Variants in SHCBP1L observed in about 807,000 individuals in gnomAD.
SHCBP1L encodes testicular spindle-associated protein SHCBP1L.
In SHCBP1L, 67 loss-of-function variants were observed where a neutral mutation model predicts 62.5. The ratio of observed to expected loss-of-function variants is 1.07; its 90% CI spans 0.88 to 1.31. SHCBP1L has a LOEUF of 1.31. SHCBP1L is among the 40% of genes most tolerant of loss of function. The pLI, the probability that SHCBP1L is intolerant of heterozygous loss-of-function variation, is 0.00. For synonymous variants in SHCBP1L, 284 were observed against 289.4 expected, an observed-to-expected ratio of 0.98 and a Z score of 0.19; for missense variants, 823 against 809.8, an observed-to-expected ratio of 1.02 and a Z score of -0.20.
intron 2 of SHCBP1L, among the ~76,000 whole-genome samples, chr1:182,948,104 C>A (rs967374719): frequency 1.3e-5 from 2 of 152,166 alleles, no homozygotes; most frequent in African/African-American, 2.4e-5. Flanking sequence ...GGCTTCCAGT[C>A]AACAGTAGGC....
chr1:182,943,500 G>C (rs1053403874), intron 2 of SHCBP1L, among the ~76,000 whole-genome samples: 2 of 150,552 alleles, frequency 1.3e-5, no homozygotes, highest in African/African-American at 4.9e-5. Flanking sequence ...CAGCTGGAGT[G>C]CAGCGGTGCA....
Position 182,951,398 on chromosome 1 carries a change from CA to C in SHCBP1L, c.474del (p.Gly159GlufsTer12). 1.2e-6 allele frequency: 2 copies of C among 1,609,524 alleles called. No individual in the cohort carries two copies. The highest frequency in any genetic ancestry group is 1.7e-6 in the Non-Finnish European group (2 of 1,177,328). On this transcript the variant is annotated frameshift_variant, in exon 2 of 10. Transcript: ENST00000367547. LOFTEE classifies it high-confidence loss of function. ...ACACTGGGATTAGTCTTCCAGACTC[CA>C]AGCCATTTGTCTTTCAACTTTAATT... is the stretch of plus-strand genomic sequence containing the variant. ...SEKLKLKDKW[L>X]GVWKTNPSVF... is the part of the protein sequence containing the mutation.
Position 182,929,692 on chromosome 1 carries a change from T to C in SHCBP1L, c.1137A>G (p.Gly379=). 1 of 1,595,502 alleles carries C rather than the reference T, an allele frequency of 6.3e-7. No individual in the cohort carries two copies. The change falls in exon 6 of 10, where the codon GGA becomes GGG. Residue 379 remains glycine, a synonymous_variant. Coordinates refer to ENST00000367547, the MANE Select transcript of SHCBP1L (RefSeq NM_030933.4). ...LRRRKGKREF[G]KTITHIVAKM... ...TTGCTACAATATGTGTTATAGTCTTTCCAAATTCTCTTTTTCCTTTCCTAC... is the reference window on the plus strand; with the variant it reads ...TTGCTACAATATGTGTTATAGTCTTCCCAAATTCTCTTTTTCCTTTCCTAC...
At chr1:182,916,083 G>C (rs1188538690) in intron 6 of SHCBP1L, among the ~76,000 whole-genome samples, 1 of 152,168 alleles carries the variant, frequency 6.6e-6, no homozygotes, top group African/African-American at 2.4e-5. Flanking sequence ...TGGGATTACA[G>C]GCGTGAGCCA....
At chr1:182,951,163 T>C (rs560421663) in intron 2 of SHCBP1L, among the ~76,000 whole-genome samples, 155 bp downstream of exon 2, 10 of 152,178 alleles carry the variant, frequency 6.6e-5, no homozygotes, top group African/African-American at 2.2e-4. Flanking sequence ...AATATTCCCC[T>C]AACCTTCTTT....
chr1:182,935,057 A>G (rs1160517723), intron 5 of SHCBP1L, among the ~76,000 whole-genome samples: 5 of 151,984 alleles, frequency 3.3e-5, no homozygotes, highest in Admixed American at 1.3e-4. Context: ...TGTCTCTTCC[A>G]TTAATCTATT....
intron 6 of SHCBP1L, among the ~76,000 whole-genome samples, chr1:182,916,756 C>T (rs1387753660): frequency 1.3e-5 from 2 of 152,064 alleles, no homozygotes; most frequent in African/African-American, 4.8e-5. Context: ...GCAAAAATCT[C>T]CCAACAAAGA....
intron 2 of SHCBP1L, among the ~76,000 whole-genome samples, chr1:182,942,975 TTAGAAAA>T (rs1424619925): frequency 6.6e-6 from 1 of 152,174 alleles, no homozygotes; most frequent in Non-Finnish European, 1.5e-5. Flanking sequence ...AGAAGAAAAC[TTAGAAAA>T]TAGAATAACA....
At chr1:182,905,402 G>T in intron 7 of SHCBP1L, 94 bp downstream of exon 7, 1 of 1,261,286 alleles carries the variant, frequency 7.9e-7, no homozygotes. Flanking sequence ...AAATTCTATT[G>T]TAATTTCCAA....
intron 2 of SHCBP1L, among the ~76,000 whole-genome samples, chr1:182,947,588 C>A (rs1651606226): frequency 6.6e-6 from 1 of 152,228 alleles, no homozygotes; most frequent in Non-Finnish European, 1.5e-5. Context: ...GCCTCTGCTA[C>A]CCTAGTGACA....
intron 6 of SHCBP1L, among the ~76,000 whole-genome samples, chr1:182,928,764 A>G (rs1259748641): frequency 6.6e-6 from 1 of 152,212 alleles, no homozygotes; most frequent in African/African-American, 2.4e-5. Context: ...AATTAATTGC[A>G]GACAATTAAT....
intron 8 of SHCBP1L, 66 bp downstream of exon 8, chr1:182,904,114 T>C (rs1649925084): frequency 6.5e-7 from 1 of 1,539,536 alleles, no homozygotes. Flanking sequence ...TTTATTTGTA[T>C]ATTAAGATCA....
Position 182,939,593 on chromosome 1 carries a change from G to A in SHCBP1L, c.771-40C>T, listed in dbSNP as rs1473986399. 4.2e-6 allele frequency: 6 copies of A among 1,423,096 alleles called. No homozygotes were observed. The East Asian group carries it at 1.4e-4, about 34-fold the overall frequency. 88.2% of individuals were successfully genotyped at this position (1,423,096 alleles called of 1,614,324 possible). On this transcript the variant is annotated intron_variant, in intron 3 of 9. Coordinates refer to ENST00000367547, the MANE Select transcript of SHCBP1L (RefSeq NM_030933.4). Reference sequence around the variant, plus strand: ...ATTAAGATGACAGTAATCAAAAACAGCCACTACTGATTTAGAGCTAAATGG... The same window carrying A: ...ATTAAGATGACAGTAATCAAAAACAACCACTACTGATTTAGAGCTAAATGG...
intron 2 of SHCBP1L, among the ~76,000 whole-genome samples, chr1:182,943,247 G>T (rs1433707447): frequency 6.8e-6 from 1 of 146,982 alleles, no homozygotes; most frequent in Non-Finnish European, 1.5e-5. Flanking sequence ...CTCCCAATTA[G>T]CTAGGACTAC....
intron 5 of SHCBP1L, among the ~76,000 whole-genome samples, chr1:182,938,844 TA>T (rs1211565883): frequency 2.6e-5 from 4 of 152,240 alleles, no homozygotes; most frequent in African/African-American, 9.6e-5. Flanking sequence ...CTTTTAGCTA[TA>T]ATCCAGTTAT....
chr1:182,922,428 C>T (rs537104115), intron 6 of SHCBP1L, among the ~76,000 whole-genome samples: 1 of 152,018 alleles, frequency 6.6e-6, no homozygotes, highest in African/African-American at 2.4e-5. Flanking sequence ...GTGGTGCATG[C>T]CTGTAATCCT....
intron 6 of SHCBP1L, among the ~76,000 whole-genome samples, chr1:182,909,581 T>C (rs1650115764): frequency 6.6e-6 from 1 of 152,168 alleles, no homozygotes; most frequent in Non-Finnish European, 1.5e-5. Flanking sequence ...TATACACAGA[T>C]TTTTTTCAAC....
intron 6 of SHCBP1L, among the ~76,000 whole-genome samples, chr1:182,911,638 C>T (rs559849345): frequency 6.6e-5 from 10 of 152,164 alleles, no homozygotes; most frequent in Admixed American, 1.3e-4. Context: ...AGAACAATGT[C>T]TGAACAAATA....
chr1:182,939,295 C>T lies in SHCBP1L; in HGVS notation c.957G>A (p.Glu319=), dbSNP rs1651276207. ...GATCTTCTTTAATATTGCTCTGATA[C>T]TCAATGAGCTCGACACGTTTGTTTT... The part of the protein sequence containing the change: ...KYKNKRVELI[E]YQSNIKEDPS... The change falls in exon 5 of 10, where the codon GAG becomes GAA. Residue 319 remains glutamate (E), a synonymous_variant. Transcript: ENST00000367547. 2.5e-6 allele frequency: 4 copies of T among 1,613,944 alleles called. No individual in the cohort carries two copies. Among genetic ancestry groups the T allele is most frequent in the Non-Finnish European group, 3.4e-6 (4 of 1,179,920 alleles).
Sources: gnomAD v4.1 joint callset for allele counts (sites outside exome capture counted in the v4.1 genomes callset) on GRCh38, gnomAD v4.1.1 for gene constraint, MANE v1.5 for transcripts, NCBI Gene and HGNC (gene_info 2026-07-23, HGNC 2026-07-21) for gene names.